CNTRL: variants seen among roughly 807,000 people sequenced by gnomAD.
CNTRL encodes 110 kDa centrosomal protein.
In CNTRL, 233 loss-of-function variants were observed where a neutral mutation model predicts 303.7. That is an observed-to-expected ratio of 0.77 (90% CI 0.69 to 0.86). The LOEUF (loss-of-function observed/expected upper bound fraction) is 0.86, where lower values mean the gene tolerates loss of function less well. Among genes scored for constraint, CNTRL ranks in the 40% least tolerant of loss-of-function variants. The pLI, the probability that CNTRL is intolerant of heterozygous loss-of-function variation, is 0.00. For synonymous variants in CNTRL, 900 were observed against 922.2 expected (o/e 0.98, Z 0.44); for missense variants, 2,524 against 2,650.6 (o/e 0.95, Z 1.05).
intron 17 of CNTRL, 108 bp downstream of exon 17, chr9:121,140,894 A>G (rs535844221): frequency 2.7e-6 from 3 of 1,110,234 alleles, no homozygotes; most frequent in South Asian, 4.2e-5. Context: ...TTAATGGCAA[A>G]TTTCTTTTGT....
intron 15 of CNTRL, among the ~76,000 whole-genome samples, chr9:121,138,056 C>T (rs2051290975): frequency 6.6e-6 from 1 of 152,176 alleles, no homozygotes; most frequent in Non-Finnish European, 1.5e-5. Context: ...GTTGCATGAA[C>T]TCACTTGTGA....
intron 14 of CNTRL, among the ~76,000 whole-genome samples, chr9:121,133,692 G>A (rs1297269844): frequency 1.3e-5 from 2 of 152,228 alleles, no homozygotes; most frequent in Non-Finnish European, 2.9e-5. Context: ...AGATAAACCA[G>A]GTACCTCAGT....
chr9:121,140,004 C>G (rs1007377070), intron 16 of CNTRL, among the ~76,000 whole-genome samples: 1 of 152,160 alleles, frequency 6.6e-6, no homozygotes, highest in African/African-American at 2.4e-5. Flanking sequence ...ACAAGTTAAA[C>G]CCACTCTACA....
intron 43 of CNTRL, among the ~76,000 whole-genome samples, chr9:121,176,647 G>A (rs539547795): frequency 5.1e-4 from 78 of 152,276 alleles, no homozygotes; most frequent in Non-Finnish European, 1.0e-3. Flanking sequence ...TGCTTTAAAG[G>A]CAACCAACGC....
intron 31 of CNTRL, among the ~76,000 whole-genome samples, chr9:121,159,768 A>G (rs1410716850): frequency 4.6e-5 from 7 of 151,664 alleles, no homozygotes; most frequent in South Asian, 2.1e-4. Context: ...GAAACACTCT[A>G]TCTGCATGTT....
chr9:121,115,183 G>A lies in CNTRL; in HGVS notation c.1438G>A (p.Ala480Thr), dbSNP rs1260556050. Residue 480 changes from alanine (A) to threonine (T), a missense_variant, in exon 11 of 44, where the codon GCT (alanine) becomes ACT (threonine). Physicochemically the swap from Ala to Thr is moderately conservative, Grantham distance 58. Coordinates refer to ENST00000373855, the MANE Select transcript of CNTRL (RefSeq NM_007018.6). Reference sequence around the variant, plus strand: ...TGAAGAATTTAAACAACTGGAAGAAGCTATACAACTAAAAAAGGTATGTAA... The same window carrying A: ...TGAAGAATTTAAACAACTGGAAGAAACTATACAACTAAAAAAGGTATGTAA... ...ATEEFKQLEEAIQLKKISEAG... is the reference protein window; with the variant it reads ...ATEEFKQLEETIQLKKISEAG... 6.3e-7 allele frequency: 1 copy of A among 1,585,052 alleles called. No individual in the cohort carries two copies. Among genetic ancestry groups the A allele is most frequent in the African/African-American group, 1.4e-5 (1 of 73,934 alleles).
chr9:121,167,696 T>A lies in CNTRL; in HGVS notation c.5844+19T>A, dbSNP rs746306234. ...AGAAATGGTACTACACATTTATGAT[T>A]TTACATAAAAAAAGCATTTTGTGGC... On this transcript the variant is annotated intron_variant, in intron 37 of 43. Transcript: ENST00000373855. 2 of 1,597,938 alleles carry A rather than the reference T, an allele frequency of 1.3e-6. No homozygotes were observed. Among genetic ancestry groups the A allele is most frequent in the South Asian group, 1.1e-5 (1 of 89,334 alleles).
At chr9:121,097,619 G>A (rs1419672961) in intron 6 of CNTRL, among the ~76,000 whole-genome samples, 2 of 152,142 alleles carry the variant, frequency 1.3e-5, no homozygotes, top group Non-Finnish European at 2.9e-5. Flanking sequence ...ACCCCATGTT[G>A]TACAGCATCA....
chr9:121,166,584 T>C (rs944126173), intron 36 of CNTRL, among the ~76,000 whole-genome samples: 9 of 152,224 alleles, frequency 5.9e-5, no homozygotes, highest in Admixed American at 1.3e-4. Context: ...TGGGCCTCTA[T>C]CTTGTCAGAT....
chr9:121,090,813 C>T (rs2048536422), intron 4 of CNTRL, among the ~76,000 whole-genome samples: 1 of 152,140 alleles, frequency 6.6e-6, no homozygotes, highest in Non-Finnish European at 1.5e-5. Flanking sequence ...CCTTTGTATT[C>T]GTTCATTTTC....
intron 12 of CNTRL, chr9:121,122,386 G>T: frequency 1.0e-6 from 1 of 985,046 alleles, no homozygotes; most frequent in Non-Finnish European, 1.2e-6. Flanking sequence ...CCACTCTTTT[G>T]TTCATCAGAA....
intron 22 of CNTRL, 152 bp downstream of exon 22, chr9:121,145,537 CAGATAATTTTA>C: frequency 1.3e-6 from 1 of 783,890 alleles, no homozygotes. Flanking sequence ...TAAAATAAAT[CAGATAATTTTA>C]AGAGTATTTT....
chr9:121,125,596 G>T (rs2050472911), intron 13 of CNTRL, 120 bp from the exon 14 acceptor site: 2 of 878,122 alleles, frequency 2.3e-6, no homozygotes, highest in Non-Finnish European at 3.6e-6. Context: ...TTTTGAAAAA[G>T]AAAAATGATA....
At chr9:121,084,468 C>T (rs575690004) in intron 2 of CNTRL, among the ~76,000 whole-genome samples, 5 of 151,924 alleles carry the variant, frequency 3.3e-5, no homozygotes, top group South Asian at 4.2e-4. Flanking sequence ...AGGCTCTGTT[C>T]GAGGCCTACA....
At chr9:121,153,410 T>A (rs567879345) in intron 26 of CNTRL, among the ~76,000 whole-genome samples, 123 of 152,314 alleles carry the variant, frequency 8.1e-4, no homozygotes, top group Non-Finnish European at 1.6e-3. Context: ...CCTCTACACC[T>A]TTGCATGTAC....
chr9:121,083,641 A>T (rs2048233113), intron 2 of CNTRL, among the ~76,000 whole-genome samples: 1 of 152,226 alleles, frequency 6.6e-6, no homozygotes, highest in South Asian at 2.1e-4. Flanking sequence ...GTACACTCTA[A>T]CAATGAAAAG....
intron 7 of CNTRL, among the ~76,000 whole-genome samples, chr9:121,106,145 C>T (rs1020490598): frequency 1.9e-4 from 29 of 151,952 alleles, no homozygotes; most frequent in African/African-American, 6.8e-4. Flanking sequence ...TTGAGACCAG[C>T]CTGGCTAACA....
chr9:121,096,969 T>G (rs896856069), intron 6 of CNTRL, among the ~76,000 whole-genome samples: 14 of 118,732 alleles, frequency 1.2e-4, no homozygotes, highest in Non-Finnish European at 2.2e-4. Context: ...AAGTTCTGGG[T>G]TTTTTTTTTT....
At chr9:121,156,001 A>G (rs2052548161) in intron 27 of CNTRL, among the ~76,000 whole-genome samples, 1 of 152,200 alleles carries the variant, frequency 6.6e-6, no homozygotes, top group African/African-American at 2.4e-5. Flanking sequence ...GTAATTAAGA[A>G]TGGAAAAAGT....
Sources: gnomAD v4.1 joint callset for allele counts (sites outside exome capture counted in the v4.1 genomes callset) on GRCh38, gnomAD v4.1.1 for gene constraint, MANE v1.5 for transcripts, NCBI Gene and HGNC (gene_info 2026-07-23, HGNC 2026-07-21) for gene names.